The following B3GALNT2 variants were observed in gnomAD, a reference collection of about 807,000 sequenced individuals.
The protein encoded by B3GALNT2 is beta-1,3-N-acetylgalactosaminyltransferase 2, also known as UDP-GalNAc:beta-1,3-N-acetylgalactosaminyltransferase 2.
A neutral mutation model predicts 61.1 loss-of-function variants in B3GALNT2; 53 were observed. The observed-to-expected ratio is 0.87, with a 90% CI of 0.70 to 1.09. B3GALNT2 has a LOEUF of 1.09. Ranked by LOEUF, B3GALNT2 falls within the 50% of genes least tolerant of loss-of-function variation. The pLI is 0.00. For synonymous variants in B3GALNT2, 223 were observed against 237.4 expected (o/e 0.94, Z 0.56); for missense variants, 544 against 623.0 (o/e 0.87, Z 1.35).
At chr1:235,502,147 G>T (rs1572570956) in intron 1 of B3GALNT2, among the ~76,000 whole-genome samples, 1 of 152,108 alleles carries the variant, frequency 6.6e-6, no homozygotes, top group East Asian at 1.9e-4. Flanking sequence ...TTAGTAGCTG[G>T]GATTACAGGC....
rs1572469103 is a variant in B3GALNT2 at position 235,448,531 on chromosome 1, T to C, written c.*1675A>G. 2.1e-6 allele frequency: 3 copies of C among 1,422,990 alleles called. No individual in the cohort carries two copies. The highest frequency in any genetic ancestry group is 3.0e-6 in the Non-Finnish European group (3 of 1,006,116). The allele number at this position is 1,422,990 out of a possible 1,614,324, so 88.1% of individuals were successfully genotyped here. A position where few individuals can be genotyped will look rare whatever the true frequency, so the allele number is the denominator to read the frequency against. On this transcript the variant is annotated 3_prime_UTR_variant, in exon 12 of 12. Transcript: ENST00000366600. ...TCTCTAGATAGCAACAGTTTGATTC[T>C]AAATGGAGACCATGGGTCTGTTTGT...
chr1:235,465,646 A>G lies in B3GALNT2; in HGVS notation c.831T>C (p.Tyr277=), dbSNP rs1167555806. Reference sequence around the variant, plus strand: ...AACTAGCAAACTTACCCTGAATAGTATATATAAAACCACCTGCAACTCCCT... The same window carrying G: ...AACTAGCAAACTTACCCTGAATAGTGTATATAAAACCACCTGCAACTCCCT... The part of the protein sequence containing the change: ...GVEGVAGGFI[Y]TIQEGDALLH... The change falls in exon 7 of 12, where the codon TAT becomes TAC. Residue 277 remains tyrosine, a synonymous_variant. Transcript: ENST00000366600. The G allele has an allele frequency of 1.2e-6, 2 of 1,614,088 alleles. No individual in the cohort carries two copies. The highest frequency in any genetic ancestry group is 1.7e-6 in the Non-Finnish European group (2 of 1,179,974).
downstream of B3GALNT2, among the ~76,000 whole-genome samples, chr1:235,445,507 A>G (rs1206497729): frequency 6.6e-6 from 1 of 152,102 alleles, no homozygotes; most frequent in Non-Finnish European, 1.5e-5. Context: ...GTGGTGGTGC[A>G]TGCCTGTAGT....
intron 7 of B3GALNT2, chr1:235,465,398 G>A: frequency 2.2e-6 from 1 of 461,110 alleles, no homozygotes; most frequent in Non-Finnish European, 3.7e-6. Flanking sequence ...GGGGGTGGGG[G>A]GTTGGGGAGG....
downstream of B3GALNT2, chr1:235,442,999 C>A: frequency 7.5e-7 from 1 of 1,326,536 alleles, no homozygotes; most frequent in Non-Finnish European, 1.1e-6. Flanking sequence ...TAACTCATGT[C>A]TCAAAGTGTG....
chr1:235,470,360 G>A (rs1249943489), intron 6 of B3GALNT2, among the ~76,000 whole-genome samples: 1 of 152,074 alleles, frequency 6.6e-6, no homozygotes, highest in Admixed American at 6.5e-5. Flanking sequence ...GGAAGCGTAG[G>A]TGGGCGGATC....
Position 235,448,289 on chromosome 1 carries a change from C to A in B3GALNT2, c.*1917G>T. On this transcript the variant is annotated 3_prime_UTR_variant, in exon 12 of 12. Transcript: ENST00000366600. ...TGATACTGTGGTCTCATCACATGAG[C>A]TAGTTTTACAGGTAACTGTCATTTG... 7.5e-7 allele frequency: 1 copy of A among 1,336,782 alleles called. No individual in the cohort carries two copies. The highest frequency in any genetic ancestry group is 1.1e-6 in the Non-Finnish European group (1 of 930,912). The allele number at this position is 1,336,782 out of a possible 1,614,324, so 82.8% of individuals were successfully genotyped here.
rs1682633710 is a variant in B3GALNT2, at chr1:235,448,515, A to G, written c.*1691T>C. On this transcript the variant is annotated 3_prime_UTR_variant, in exon 12 of 12. Transcript: ENST00000366600. ...TTATGACATTAAACTGTCTCTAGAT[A>G]GCAACAGTTTGATTCTAAATGGAGA... 2.7e-5 allele frequency: 40 copies of G among 1,482,164 alleles called. No individual in the cohort carries two copies. The South Asian group carries it at 4.4e-4, about 16-fold the overall frequency. 91.8% of individuals were successfully genotyped at this position (1,482,164 alleles called of 1,614,324 possible). A position where few individuals can be genotyped will look rare whatever the true frequency, so the allele number is the denominator to read the frequency against.
In B3GALNT2 at chr1:235,494,793, GAGT is replaced by G. The variant is rs1268107223; in HGVS notation, c.145_147del (p.Thr49del). On this transcript the variant is annotated inframe_deletion, in exon 2 of 12. Coordinates refer to ENST00000366600, the MANE Select transcript of B3GALNT2 (RefSeq NM_152490.5). Reference sequence around the variant, plus strand: ...AACACGCCAACTACCACATCATAGTGAGTAGATTTCCACTGAGGAAATAAGGCC... The same window carrying G: ...AACACGCCAACTACCACATCATAGTGAGATTTCCACTGAGGAAATAAGGCC... 2 of 1,611,066 alleles carry G rather than the reference GAGT, an allele frequency of 1.2e-6. No individual in the cohort carries two copies. The highest frequency in any genetic ancestry group is 1.7e-6 in the Non-Finnish European group (2 of 1,177,476).
chr1:235,455,538 G>A, intron 9 of B3GALNT2, 21 bp downstream of exon 9: 2 of 1,608,684 alleles, frequency 1.2e-6, no homozygotes, highest in South Asian at 1.1e-5. Context: ...AATGCCAATG[G>A]GCTAAGAATG....
chr1:235,466,729 A>AG (rs1683714869), intron 6 of B3GALNT2, among the ~76,000 whole-genome samples: 2 of 152,186 alleles, frequency 1.3e-5, no homozygotes, highest in Admixed American at 1.3e-4. Context: ...CTTAGAATGG[A>AG]GAATCTTTTA....
chr1:235,482,280 A>C (rs1349005002), intron 4 of B3GALNT2, among the ~76,000 whole-genome samples: 1 of 152,148 alleles, frequency 6.6e-6, no homozygotes, highest in Non-Finnish European at 1.5e-5. Context: ...GTCTGAGGAT[A>C]CAACTCTAGG....
chr1:235,480,309 T>C (rs1260071648), intron 4 of B3GALNT2, among the ~76,000 whole-genome samples, 160 bp from the exon 5 acceptor site: 1 of 152,180 alleles, frequency 6.6e-6, no homozygotes, highest in Non-Finnish European at 1.5e-5. Flanking sequence ...CACTGGGTTT[T>C]CTAGTGCAGT....
downstream of B3GALNT2, among the ~76,000 whole-genome samples, chr1:235,445,071 G>T (rs892620028): frequency 1.3e-5 from 2 of 152,128 alleles, no homozygotes; most frequent in Non-Finnish European, 2.9e-5. Flanking sequence ...ATTAATCTTT[G>T]GGTAGCTAGC....
intron 1 of B3GALNT2, 62 bp from the exon 2 acceptor site, chr1:235,494,890 G>T: frequency 7.4e-7 from 1 of 1,359,564 alleles, no homozygotes; most frequent in Non-Finnish European, 1.0e-6. Context: ...AGTTCAATAT[G>T]TATCATAAGT....
intron 9 of B3GALNT2, 23 bp from the exon 10 acceptor site, chr1:235,454,338 C>T (rs1385798283): frequency 1.3e-6 from 2 of 1,593,560 alleles, no homozygotes; most frequent in Admixed American, 3.4e-5. Context: ...ATAATGTGGC[C>T]TCTTGTGTTA....
At position 235,461,627 on chromosome 1, in the gene B3GALNT2, C is replaced by T. The variant is rs905495874; in HGVS notation, c.842-2841G>A. On this transcript the variant is annotated intron_variant, in intron 7 of 11. Coordinates refer to ENST00000366600, the MANE Select transcript of B3GALNT2 (RefSeq NM_152490.5). ...TGCCTCCCAGGTTCAAGCGATTCTCCTACCTGAGCCTCTCGAGTAGCTAGG... is the reference window on the plus strand; with the variant it reads ...TGCCTCCCAGGTTCAAGCGATTCTCTTACCTGAGCCTCTCGAGTAGCTAGG... Among the ~76,000 whole-genome samples, 10 of 148,824 alleles carry T rather than the reference C, an allele frequency of 6.7e-5. No homozygotes were observed. The East Asian group carries it at 2.0e-3, about 30-fold the overall frequency.
chr1:235,444,660 C>T (rs1682124508), downstream of B3GALNT2, among the ~76,000 whole-genome samples: 1 of 152,200 alleles, frequency 6.6e-6, no homozygotes, highest in African/African-American at 2.4e-5. Flanking sequence ...CTGTCATCAC[C>T]TCCCAAAGTG....
chr1:235,457,231 C>T (rs1683209163), intron 8 of B3GALNT2, among the ~76,000 whole-genome samples: 2 of 152,128 alleles, frequency 1.3e-5, no homozygotes, highest in African/African-American at 2.4e-5. Flanking sequence ...AAGTACTGTT[C>T]TTGGTAACTT....
Sources: gnomAD v4.1 joint callset for allele counts (sites outside exome capture counted in the v4.1 genomes callset) on GRCh38, gnomAD v4.1.1 for gene constraint, MANE v1.5 for transcripts, NCBI Gene and HGNC (gene_info 2026-07-23, HGNC 2026-07-21) for gene names.